PTPN3: variants seen among roughly 807,000 people sequenced by gnomAD.
The protein encoded by PTPN3 is protein tyrosine phosphatase non-receptor type 3, also known as tyrosine-protein phosphatase non-receptor type 3.
In PTPN3, 96 loss-of-function variants were observed where a neutral mutation model predicts 132.7. That is an observed-to-expected ratio of 0.72 (90% CI 0.61 to 0.86). PTPN3 has a LOEUF of 0.86. Among genes scored for constraint, PTPN3 ranks in the 40% least tolerant of loss-of-function variants. The probability of loss-of-function intolerance (pLI) is 0.00; values close to 1 mark genes in which losing one functional copy is unlikely to be tolerated. For missense variants in PTPN3, 1,125 were observed against 1,159.6 expected (o/e 0.97, Z 0.43); for synonymous variants, 398 against 429.0 (o/e 0.93, Z 0.89).
intron 1 of PTPN3, among the ~76,000 whole-genome samples, chr9:109,486,733 TGA>T (rs1413287942): frequency 1.3e-5 from 2 of 152,154 alleles, no homozygotes; most frequent in African/African-American, 4.8e-5. Flanking sequence ...CAAATCTCAC[TGA>T]GTTGTAGTTC....
chr9:109,526,932 G>T, the PTPN3 span, among the ~76,000 whole-genome samples: 3 of 152,092 alleles, frequency 2.0e-5, no homozygotes, highest in African/African-American at 7.2e-5. Context: ...CAACTTTTCA[G>T]TAAGTGGTGC....
At chr9:109,444,384 A>G (rs555407120) in intron 7 of PTPN3, among the ~76,000 whole-genome samples, 3 of 152,348 alleles carry the variant, frequency 2.0e-5, no homozygotes, top group African/African-American at 7.2e-5. Flanking sequence ...TGCTGATTGA[A>G]TGAGCGGATT....
chr9:109,393,075 A>C (rs1840264805), intron 19 of PTPN3: 1 of 152,234 alleles, frequency 6.6e-6, no homozygotes, highest in South Asian at 2.1e-4. Flanking sequence ...CATTTGTTAA[A>C]TTCTGATCAG....
intron 22 of PTPN3, among the ~76,000 whole-genome samples, chr9:109,384,945 T>G (rs1343855192): frequency 6.6e-6 from 1 of 152,226 alleles, no homozygotes; most frequent in Non-Finnish European, 1.5e-5. Context: ...GGTTAAGGGC[T>G]GTAGGGCCCA....
In PTPN3 at chr9:109,436,945, A is replaced by G; in HGVS notation, c.613T>C (p.Ser205Pro). Residue 205 changes from serine to proline, a missense_variant, in exon 9 of 26, where the codon TCC (serine) becomes CCC (proline). Physicochemically the swap from Ser to Pro is moderately conservative, Grantham distance 74. Transcript: ENST00000374541. ...GTCCGCGCTATGTTGATATAGCAGGATTCTGCTTCTGATTGTTTTAGCCCA... is the reference window on the plus strand; with the variant it reads ...GTCCGCGCTATGTTGATATAGCAGGGTTCTGCTTCTGATTGTTTTAGCCCA... ...HSGLKQSEAE[S>P]CYINIARTLD... 1 of 1,614,108 alleles carries G rather than the reference A, an allele frequency of 6.2e-7. No individual in the cohort carries two copies. The highest frequency in any genetic ancestry group is 8.5e-7 in the Non-Finnish European group (1 of 1,179,978).
At chr9:109,410,604 A>G (rs539769789) in intron 14 of PTPN3, among the ~76,000 whole-genome samples, 189 bp from the exon 15 acceptor site, 1 of 152,218 alleles carries the variant, frequency 6.6e-6, no homozygotes, top group East Asian at 1.9e-4. Flanking sequence ...TGGCCTAGAC[A>G]CTGTCACATG....
upstream of PTPN3, among the ~76,000 whole-genome samples, chr9:109,499,123 G>T (rs1468428737): frequency 1.6e-5 from 2 of 121,946 alleles, no homozygotes; most frequent in Admixed American, 1.6e-4. Context: ...GTCCCCCAGT[G>T]GAGTTTGGGG....
intron 1 of PTPN3, among the ~76,000 whole-genome samples, chr9:109,466,085 A>G (rs569017075): frequency 6.6e-6 from 1 of 152,210 alleles, no homozygotes; most frequent in African/African-American, 2.4e-5. Context: ...AGAACTCATG[A>G]TGTGTATTTA....
chr9:109,480,085 A>G (rs558902461), intron 1 of PTPN3, among the ~76,000 whole-genome samples: 3 of 152,296 alleles, frequency 2.0e-5, no homozygotes, highest in Admixed American at 1.3e-4. Flanking sequence ...AATGATGCTG[A>G]GCATCTTTTC....
chr9:109,401,085 G>T (rs1041995262), intron 19 of PTPN3, among the ~76,000 whole-genome samples: 7 of 152,194 alleles, frequency 4.6e-5, no homozygotes, highest in Non-Finnish European at 8.8e-5. Context: ...TTAAAAAGAA[G>T]GGTTTCCTAC....
At chr9:109,415,631 C>G (rs1226542874) in intron 14 of PTPN3, among the ~76,000 whole-genome samples, 1 of 152,052 alleles carries the variant, frequency 6.6e-6, no homozygotes, top group South Asian at 2.1e-4. Flanking sequence ...CTAGACTGTG[C>G]AAGAGACGAT....
chr9:109,448,839 G>A lies in PTPN3; in HGVS notation c.385C>T (p.Gln129Ter). ...QEQTRHLYFLQLKMDICEGRL... is the reference protein window; with the variant it reads ...QEQTRHLYFL ...CCTTCGCAAATATCCATCTTCAGTT[G>A]TAAGAAATACAAGTGCCTATGAAAC... Residue 129 changes from glutamine to a stop codon, truncating the protein, a stop_gained, in exon 6 of 26, where the codon CAA becomes TAA. Transcript: ENST00000374541. LOFTEE classifies it high-confidence loss of function. 1.3e-6 allele frequency: 2 copies of A among 1,553,712 alleles called. No individual in the cohort carries two copies. Among genetic ancestry groups the A allele is most frequent in the Non-Finnish European group, 1.7e-6 (2 of 1,148,178 alleles).
intron 4 of PTPN3, among the ~76,000 whole-genome samples, chr9:109,456,767 T>G (rs917080428): frequency 4.6e-5 from 7 of 152,224 alleles, no homozygotes. Flanking sequence ...TACCTACTTA[T>G]GGTTCGGTTT....
chr9:109,503,961 C>T, the PTPN3 span, among the ~76,000 whole-genome samples: 1 of 151,992 alleles, frequency 6.6e-6, no homozygotes, highest in African/African-American at 2.4e-5. Flanking sequence ...TCTAATAGAG[C>T]AAGGTACAAG....
In PTPN3 at chr9:109,381,265, G is replaced by A. The variant is rs186631302; in HGVS notation, c.2664+387C>T. Among the ~76,000 whole-genome samples the A allele has an allele frequency of 1.2e-4, 19 of 152,268 alleles. No individual in the cohort carries two copies. In the East Asian group the frequency reaches 3.5e-3, roughly 28 times the overall value. ...TACTTTGAGCTCTGGCCTGCCCGTGGAGGACACAGCAGGTACTCAGGCACC... is the reference window on the plus strand; with the variant it reads ...TACTTTGAGCTCTGGCCTGCCCGTGAAGGACACAGCAGGTACTCAGGCACC... On this transcript the variant is annotated intron_variant, in intron 25 of 25. Transcript: ENST00000374541.
At chr9:109,393,250 C>T (rs891780927) in intron 19 of PTPN3, among the ~76,000 whole-genome samples, 1 of 151,970 alleles carries the variant, frequency 6.6e-6, no homozygotes, top group African/African-American at 2.4e-5. Context: ...TTTAATGGTT[C>T]AATAATCTAG....
rs751438039 is a variant in PTPN3, at chr9:109,428,616, C to T, written c.828+5G>A. On this transcript the variant is annotated splice_donor_5th_base_variant and intron_variant, in intron 11 of 25. Coordinates refer to ENST00000374541, the MANE Select transcript of PTPN3 (RefSeq NM_002829.4). ...AACAAAGCAAGCAAAGACATAACTACTCACCTGTTTCTGTCGCTGATGTAT... is the reference window on the plus strand; with the variant it reads ...AACAAAGCAAGCAAAGACATAACTATTCACCTGTTTCTGTCGCTGATGTAT... 1.2e-6 allele frequency: 2 copies of T among 1,612,794 alleles called. No homozygotes were observed. Among genetic ancestry groups the T allele is most frequent in the African/African-American group, 1.3e-5 (1 of 74,902 alleles).
intron 13 of PTPN3, among the ~76,000 whole-genome samples, chr9:109,422,007 T>C (rs1842919094): frequency 6.6e-6 from 1 of 152,266 alleles, no homozygotes; most frequent in East Asian, 1.9e-4. Context: ...AATAAGATAA[T>C]GATAATTCCA....
At chr9:109,419,818 A>AT (rs1358071521) in intron 14 of PTPN3, among the ~76,000 whole-genome samples, 1 of 151,970 alleles carries the variant, frequency 6.6e-6, no homozygotes, top group Non-Finnish European at 1.5e-5. Flanking sequence ...CAGGACAGAC[A>AT]TTTTTTCTGT....
Sources: gnomAD v4.1 joint callset for allele counts (sites outside exome capture counted in the v4.1 genomes callset) on GRCh38, gnomAD v4.1.1 for gene constraint, MANE v1.5 for transcripts, NCBI Gene and HGNC (gene_info 2026-07-23, HGNC 2026-07-21) for gene names.